The following SHANK2 variants were observed in gnomAD, a reference collection of about 807,000 sequenced individuals.
SHANK2 encodes SH3 and multiple ankyrin repeat domains protein 2.
Under a neutral mutation model 133.7 loss-of-function variants are expected in SHANK2, and 43 were observed. The observed-to-expected ratio is 0.32, with a 90% confidence interval of 0.25 to 0.41. The LOEUF (loss-of-function observed/expected upper bound fraction) is 0.41, where lower values mean the gene tolerates loss of function less well. Ranked by LOEUF, SHANK2 falls within the 10% of genes least tolerant of loss-of-function variation. The pLI is 1.00. For missense variants in SHANK2, 1,994 were observed against 2,235.8 expected (o/e 0.89, Z 2.18); for synonymous variants, 1,017 against 952.8 (o/e 1.07, Z -1.24).
chr11:70,819,818 C>A (rs1948479383), intron 12 of SHANK2, among the ~76,000 whole-genome samples: 1 of 152,210 alleles, frequency 6.6e-6, no homozygotes. Flanking sequence ...CTGAGACCAT[C>A]CCTGCAGCTG....
At position 70,813,372 on chromosome 11, in the gene SHANK2, G is replaced by A. The variant is rs557019107; in HGVS notation, c.1494-6201C>T. 3.3e-5 allele frequency among the ~76,000 whole-genome samples: 5 copies of A among 152,266 alleles called. No homozygotes were observed. In the East Asian group the frequency reaches 7.8e-4, roughly 24 times the overall value. ...ACACGGCGCAGTGGTGCCAGTGAAC[G>A]AGCACCAGCTCACCCTGGATGCAGC... On this transcript the variant is annotated intron_variant, in intron 12 of 25. Transcript: ENST00000601538.
chr11:70,911,223 T>TTTTTG (rs1224508710), intron 10 of SHANK2: 24 of 455,960 alleles, frequency 5.3e-5, no homozygotes, highest in Admixed American at 2.6e-4. Flanking sequence ...GTTGTTGTTC[T>TTTTTG]TTTTGTTTTG....
At chr11:71,122,836 C>T (rs781960265) in intron 3 of SHANK2, among the ~76,000 whole-genome samples, 2 of 152,212 alleles carry the variant, frequency 1.3e-5, no homozygotes, top group Non-Finnish European at 2.9e-5. Flanking sequence ...CAGAAGGAAC[C>T]AACCTTGCCT....
chr11:70,473,228 C>T lies in SHANK2; in HGVS notation c.5191G>A (p.Ala1731Thr), dbSNP rs782139023. 12 of 1,609,986 alleles carry T rather than the reference C, an allele frequency of 7.5e-6. No individual in the cohort carries two copies. Among genetic ancestry groups the T allele is most frequent in the African/African-American group, 2.7e-5 (2 of 74,768 alleles). Residue 1731 changes from alanine (A) to threonine (T), a missense_variant, in exon 26 of 26, where the codon GCC becomes ACC. Coordinates refer to ENST00000601538, the MANE Select transcript of SHANK2 (RefSeq NM_012309.5). This position sits in a 1 kb window ranked among gnomAD's most constrained non-coding sequence, Gnocchi z 5.9. ...TCTGAGAGAGCGGGAGAAGGAGAGG[C>T]GGTGGCAGCAGACAGGGGGGCGGGC... ...TLPAPLSAAT[A>T]SPSPALSDVF...
At chr11:71,086,389 GAT>G (rs1270678347) in intron 8 of SHANK2, among the ~76,000 whole-genome samples, 3 of 125,688 alleles carry the variant, frequency 2.4e-5, no homozygotes, top group South Asian at 4.8e-4. Context: ...TATAATATAT[GAT>G]ATATGATATA....
At chr11:71,166,790 CTT>C (rs782779412) in intron 2 of SHANK2, among the ~76,000 whole-genome samples, 15 of 137,702 alleles carry the variant, frequency 1.1e-4, no homozygotes, top group Admixed American at 2.2e-4. Context: ...GCCCACACTT[CTT>C]TTTTTTTTTT....
intron 17 of SHANK2, among the ~76,000 whole-genome samples, chr11:70,546,068 T>A (rs1467798899): frequency 6.6e-6 from 1 of 151,742 alleles, no homozygotes; most frequent in African/African-American, 2.4e-5. Flanking sequence ...CTCCCAAGCC[T>A]GGTTGTTTTT....
intron 11 of SHANK2, among the ~76,000 whole-genome samples, chr11:70,893,106 T>C (rs1474620198): frequency 6.6e-6 from 1 of 152,234 alleles, no homozygotes; most frequent in Non-Finnish European, 1.5e-5. Context: ...AGACCACAAC[T>C]GCATCTGGAC....
chr11:70,768,373 A>G (rs1555041889), intron 14 of SHANK2, among the ~76,000 whole-genome samples: 2 of 152,202 alleles, frequency 1.3e-5, no homozygotes, highest in African/African-American at 2.4e-5. Context: ...GAGCTCCCCA[A>G]ATCAGCCAAG....
chr11:71,096,575 TC>T (rs199698813), intron 6 of SHANK2, among the ~76,000 whole-genome samples: 2,697 of 152,142 alleles, frequency 0.018, 75 homozygotes, highest in African/African-American at 0.062. Flanking sequence ...GAGTGGACAG[TC>T]AGGGAAGTGA....
intron 3 of SHANK2, among the ~76,000 whole-genome samples, chr11:71,129,770 G>A (rs538141675): frequency 6.6e-6 from 1 of 152,352 alleles, no homozygotes; most frequent in South Asian, 2.1e-4. Flanking sequence ...GGCAGAATGC[G>A]GGCACTGGAG....
At chr11:70,802,384 C>T (rs1283453948) in intron 13 of SHANK2, among the ~76,000 whole-genome samples, 1 of 152,116 alleles carries the variant, frequency 6.6e-6, no homozygotes, top group African/African-American at 2.4e-5. Context: ...GCGGTGATTC[C>T]CTGTACTGGA....
In SHANK2 at chr11:71,079,731, G is replaced by C. The variant is rs1018083373; in HGVS notation, c.913-4456C>G. Among the ~76,000 whole-genome samples the C allele has an allele frequency of 9.3e-5, 14 of 150,422 alleles. No individual in the cohort carries two copies. The East Asian group carries it at 2.8e-3, about 30-fold the overall frequency. On this transcript the variant is annotated intron_variant, in intron 8 of 25. Transcript: ENST00000601538. ...GCCAAGATCACGCCACTGCACTCCA[G>C]CCTGGGAGACAGAGTGAGACTCCGA...
At chr11:70,626,194 A>G (rs1039023095) in intron 17 of SHANK2, among the ~76,000 whole-genome samples, 5 of 152,204 alleles carry the variant, frequency 3.3e-5, no homozygotes, top group Admixed American at 1.3e-4. Context: ...ATTTAGGAAG[A>G]CATGTTTTCT....
In SHANK2 at chr11:70,708,672, C is replaced by T. The variant is rs560570135; in HGVS notation, c.1778-9909G>A. On this transcript the variant is annotated intron_variant, in intron 14 of 25. Coordinates refer to ENST00000601538, the MANE Select transcript of SHANK2 (RefSeq NM_012309.5). ...CACAGAGCACTTCCGGGTCAGGCAG[C>T]CTTGGATCGTCTGCCTTGGCTGGGA... is the stretch of plus-strand genomic sequence containing the variant. 3.3e-5 allele frequency among the ~76,000 whole-genome samples: 5 copies of T among 152,336 alleles called. No homozygotes were observed. The South Asian group carries it at 1.0e-3, about 32-fold the overall frequency.
At chr11:70,945,894 C>A (rs1277278652) in intron 10 of SHANK2, among the ~76,000 whole-genome samples, 1 of 152,028 alleles carries the variant, frequency 6.6e-6, no homozygotes, top group Admixed American at 6.6e-5. Flanking sequence ...GACCTCAAGT[C>A]CTCTCTTTCA....
At chr11:70,646,348 A>C (rs1177562537) in intron 17 of SHANK2, 1 of 152,314 alleles carries the variant, frequency 6.6e-6, no homozygotes, top group Non-Finnish European at 1.5e-5. Context: ...CCCAAGGCAA[A>C]GTGCCCAATC....
intron 24 of SHANK2, among the ~76,000 whole-genome samples, chr11:70,488,415 G>A (rs1442509507): frequency 1.3e-5 from 2 of 152,214 alleles, no homozygotes; most frequent in African/African-American, 4.8e-5. Flanking sequence ...CGTGCTGGGA[G>A]GAGGTGCTTT....
chr11:70,925,083 C>T (rs1259739798), intron 10 of SHANK2, among the ~76,000 whole-genome samples: 3 of 152,062 alleles, frequency 2.0e-5, no homozygotes, highest in Non-Finnish European at 4.4e-5. Context: ...CTCTCCATGG[C>T]GGTCGACACT....
Sources: allele counts gnomAD v4.1 joint callset (sites outside exome capture counted in the v4.1 genomes callset), GRCh38; gene constraint gnomAD v4.1.1; non-coding constraint Gnocchi (gnomAD v3.1); transcripts MANE v1.5; gene names NCBI Gene and HGNC (gene_info 2026-07-23, HGNC 2026-07-21).